Variants in CMIP observed in about 807,000 individuals in gnomAD.
CMIP encodes C-Maf-inducing protein.
In CMIP, 13 loss-of-function variants were observed where a neutral mutation model predicts 97.3. The ratio of observed to expected loss-of-function variants is 0.13; its 90% CI spans 0.09 to 0.21. The LOEUF (loss-of-function observed/expected upper bound fraction) is 0.21. CMIP is among the 10% of genes least tolerant of loss of function. The probability of loss-of-function intolerance (pLI) is 1.00; values close to 1 mark genes in which losing one functional copy is unlikely to be tolerated. For synonymous variants in CMIP, 538 were observed against 436.3 expected, an observed-to-expected ratio of 1.23 and a Z score of -2.91; for missense variants, 847 against 1,024.9, an observed-to-expected ratio of 0.83 and a Z score of 2.37.
chr16:81,561,074 C>T (rs2150872564), intron 1 of CMIP, among the ~76,000 whole-genome samples: 1 of 152,298 alleles, frequency 6.6e-6, no homozygotes, highest in African/African-American at 2.4e-5. Context: ...CATGCCTCAG[C>T]CTCCTAAGTA....
At chr16:81,683,075 T>C (rs1289415953) in intron 10 of CMIP, among the ~76,000 whole-genome samples, 1 of 152,204 alleles carries the variant, frequency 6.6e-6, no homozygotes, top group Non-Finnish European at 1.5e-5. Context: ...TTCATCCAGC[T>C]TTTGTTGTAT....
At chr16:81,538,256 C>G (rs1199917141) in intron 1 of CMIP, among the ~76,000 whole-genome samples, 2 of 152,332 alleles carry the variant, frequency 1.3e-5, no homozygotes, top group South Asian at 2.1e-4. Flanking sequence ...CATGGGCTGC[C>G]TGCCCATGGA....
rs142172686 is a variant in CMIP, at chr16:81,614,076, T to C, written c.426+6384T>C. 1.9e-3 allele frequency among the ~76,000 whole-genome samples: 283 copies of C among 151,982 alleles called. 2 individuals are homozygous for C. The highest frequency in any genetic ancestry group is 3.0e-3 in the Non-Finnish European group (201 of 67,966). On this transcript the variant is annotated intron_variant, in intron 2 of 20. Coordinates refer to ENST00000537098, the MANE Select transcript of CMIP (RefSeq NM_198390.3). This position sits in a 1 kb window ranked among gnomAD's most constrained non-coding sequence, Gnocchi z 5.3. ...CATTCTGGCCTGGTTTGGTTGGGGA[T>C]GGGGAGGGGAAGGCACCATCAAGAC...
chr16:81,476,096 A>T (rs2927329), intron 1 of CMIP: 95,483 of 792,150 alleles, frequency 0.12, 8,585 homozygotes, highest in African/African-American at 0.37. Context: ...AAAGTGCTCC[A>T]TGGCCTCCAC....
intron 1 of CMIP, among the ~76,000 whole-genome samples, chr16:81,574,911 C>T (rs1407151034): frequency 6.6e-6 from 1 of 152,204 alleles, no homozygotes; most frequent in African/African-American, 2.4e-5. Flanking sequence ...TAGCTGCTCA[C>T]GAAATGGTTG....
chr16:81,590,355 G>A (rs1040332859), intron 1 of CMIP, among the ~76,000 whole-genome samples: 1 of 152,174 alleles, frequency 6.6e-6, no homozygotes, highest in Non-Finnish European at 1.5e-5. Context: ...GTCAGAGGGT[G>A]TCCAAAGGAG....
At chr16:81,693,112 C>G in intron 11 of CMIP, 46 bp from the exon 12 acceptor site, 1 of 1,535,602 alleles carries the variant, frequency 6.5e-7, no homozygotes, top group Non-Finnish European at 9.0e-7. Context: ...TGTGCTGTTT[C>G]CGACGCTTCT....
intron 20 of CMIP, 108 bp downstream of exon 20, chr16:81,707,192 A>G: frequency 2.3e-6 from 2 of 851,072 alleles, no homozygotes. Context: ...GGATGATGAC[A>G]TCTACAGATC....
chr16:81,528,358 C>T (rs945375330), intron 1 of CMIP, among the ~76,000 whole-genome samples: 13 of 152,080 alleles, frequency 8.5e-5, no homozygotes, highest in Non-Finnish European at 1.6e-4. Flanking sequence ...CCATTGGTCT[C>T]ATGCTGAATG....
chr16:81,545,470 T>A (rs1047785807), intron 1 of CMIP, among the ~76,000 whole-genome samples: 12 of 152,258 alleles, frequency 7.9e-5, no homozygotes, highest in Admixed American at 7.8e-4. Flanking sequence ...GTAATAACGT[T>A]TACTGAGCGT....
chr16:81,528,278 CT>C (rs922542464), intron 1 of CMIP, among the ~76,000 whole-genome samples: 6 of 149,816 alleles, frequency 4.0e-5, no homozygotes, highest in Non-Finnish European at 7.4e-5. Flanking sequence ...GGAGTGAAGA[CT>C]TTTTTTTTTC....
At chr16:81,525,148 G>C (rs1450382086) in intron 1 of CMIP, among the ~76,000 whole-genome samples, 1 of 148,858 alleles carries the variant, frequency 6.7e-6, no homozygotes, top group African/African-American at 2.5e-5. Flanking sequence ...TATTTTATTT[G>C]TTTATTTTTT....
chr16:81,651,145 G>C (rs972937510), intron 3 of CMIP: 21 of 152,224 alleles, frequency 1.4e-4, no homozygotes, highest in African/African-American at 4.6e-4. Context: ...CTGGCTGCTG[G>C]CATGGTAACA....
chr16:81,456,321 T>C (rs1318471874), intron 1 of CMIP, among the ~76,000 whole-genome samples: 1 of 152,192 alleles, frequency 6.6e-6, no homozygotes, highest in Non-Finnish European at 1.5e-5. Context: ...ATCAGCCCCG[T>C]GAGGCGTTAG....
chr16:81,638,665 CCCCTCTTT>C (rs1393257147), intron 3 of CMIP, among the ~76,000 whole-genome samples: 1 of 151,782 alleles, frequency 6.6e-6, no homozygotes, highest in Admixed American at 6.6e-5. Context: ...AGAATGTTTT[CCCCTCTTT>C]CCCTCTTTCT....
intron 1 of CMIP, among the ~76,000 whole-genome samples, chr16:81,471,874 G>C (rs1907580667): frequency 6.6e-6 from 1 of 152,208 alleles, no homozygotes; most frequent in Admixed American, 6.5e-5. Flanking sequence ...CTCACGTCCT[G>C]GACAAGATGC....
In CMIP at chr16:81,670,119, CCTGTCCTCTG is replaced by C. The variant is rs2092667936; in HGVS notation, c.826-17_826-8del. 1 of 1,594,570 alleles carries C rather than the reference CCTGTCCTCTG, an allele frequency of 6.3e-7. No homozygotes were observed. On this transcript the variant is annotated splice_polypyrimidine_tract_variant and intron_variant, in intron 7 of 20. Transcript: ENST00000537098. ...TGCCCTGCCTAGCACCGTCCCGACTCCTGTCCTCTGCTGTCTCCACAGGACTTTGGGAAGT... is the reference window on the plus strand; with the variant it reads ...TGCCCTGCCTAGCACCGTCCCGACTCCTGTCTCCACAGGACTTTGGGAAGT...
At chr16:81,653,857 T>C (rs2092455242) in intron 4 of CMIP, among the ~76,000 whole-genome samples, 1 of 152,232 alleles carries the variant, frequency 6.6e-6, no homozygotes, top group Admixed American at 6.5e-5. Flanking sequence ...AAATGGTCCA[T>C]CTGCCTTGGC....
chr16:81,708,417 A>C (rs1908391781), intron 20 of CMIP, among the ~76,000 whole-genome samples: 1 of 142,292 alleles, frequency 7.0e-6, no homozygotes, highest in Non-Finnish European at 1.5e-5. Flanking sequence ...TCTTGAGTTC[A>C]AAGTGCTGAA....
Sources: allele counts gnomAD v4.1 joint callset (sites outside exome capture counted in the v4.1 genomes callset), GRCh38; gene constraint gnomAD v4.1.1; non-coding constraint Gnocchi (gnomAD v3.1); transcripts MANE v1.5; gene names NCBI Gene and HGNC (gene_info 2026-07-23, HGNC 2026-07-21).